The following NRG3 variants were observed in gnomAD, a reference collection of about 807,000 sequenced individuals.
NRG3 encodes the protein pro-neuregulin-3, membrane-bound isoform.
NRG3 carries 31 observed loss-of-function variants against 66.9 expected under a neutral mutation model. The observed-to-expected ratio is 0.46, with a 90% CI of 0.35 to 0.63. NRG3 has a LOEUF of 0.63. Ranked by LOEUF, NRG3 falls within the 20% of genes least tolerant of loss-of-function variation. NRG3 has a pLI of 0.00. For synonymous variants in NRG3, 393 were observed against 359.4 expected (o/e 1.09, Z -1.06); for missense variants, 910 against 878.9 (o/e 1.04, Z -0.45).
intron 3 of NRG3, among the ~76,000 whole-genome samples, chr10:82,761,189 C>T (rs2059291202): frequency 1.3e-5 from 2 of 151,834 alleles, no homozygotes; most frequent in South Asian, 4.1e-4. Flanking sequence ...TAAAACATAT[C>T]GAAACCAAAG....
chr10:82,239,502 T>C (rs1277611037), intron 1 of NRG3, among the ~76,000 whole-genome samples: 4 of 151,908 alleles, frequency 2.6e-5, no homozygotes, highest in African/African-American at 9.7e-5. Flanking sequence ...TTTACAACCA[T>C]TTTTTTTGCC....
chr10:82,628,403 A>G (rs2049572777), intron 2 of NRG3, among the ~76,000 whole-genome samples: 1 of 152,112 alleles, frequency 6.6e-6, no homozygotes. Flanking sequence ...GCAGCCGTGG[A>G]GTATAAACAG....
chr10:82,742,711 T>C (rs1403091705), intron 3 of NRG3, among the ~76,000 whole-genome samples: 1 of 152,092 alleles, frequency 6.6e-6, no homozygotes, highest in Non-Finnish European at 1.5e-5. Flanking sequence ...GCCTCCTGCC[T>C]CCTATGCTGC....
chr10:82,758,740 G>A (rs2059179319), intron 3 of NRG3, among the ~76,000 whole-genome samples: 1 of 151,966 alleles, frequency 6.6e-6, no homozygotes, highest in Non-Finnish European at 1.5e-5. Flanking sequence ...TCAAATGAAT[G>A]GAACAGTAGA....
chr10:81,998,511 C>T (rs1204048164), intron 1 of NRG3, among the ~76,000 whole-genome samples: 1 of 152,098 alleles, frequency 6.6e-6, no homozygotes, highest in African/African-American at 2.4e-5. Flanking sequence ...TGGAGTCAGA[C>T]AAACTGGGCC....
chr10:82,136,584 A>T (rs891515593), intron 1 of NRG3, among the ~76,000 whole-genome samples: 1 of 152,104 alleles, frequency 6.6e-6, no homozygotes, highest in Admixed American at 6.6e-5. Context: ...CTCAAGTAGG[A>T]GTCTCTCCCT....
intron 1 of NRG3, among the ~76,000 whole-genome samples, chr10:82,346,906 G>T (rs1489018011): frequency 6.6e-6 from 1 of 151,892 alleles, no homozygotes; most frequent in South Asian, 2.1e-4. Flanking sequence ...GGGATCGGTG[G>T]TGATATCCCC....
chr10:82,898,126 T>C (rs1591871295), intron 4 of NRG3, among the ~76,000 whole-genome samples: 1 of 152,144 alleles, frequency 6.6e-6, no homozygotes, highest in Admixed American at 6.5e-5. Context: ...CAATGAGAGA[T>C]AGCAGTTGAT....
chr10:82,793,435 T>C (rs2060670542), intron 3 of NRG3, among the ~76,000 whole-genome samples: 1 of 152,194 alleles, frequency 6.6e-6, no homozygotes, highest in South Asian at 2.1e-4. Flanking sequence ...TATTGTCTCA[T>C]TTTAAGTCTC....
chr10:82,519,221 G>A (rs1845971763), intron 2 of NRG3, among the ~76,000 whole-genome samples: 1 of 152,148 alleles, frequency 6.6e-6, no homozygotes, highest in Non-Finnish European at 1.5e-5. Flanking sequence ...TGTTCAGAGA[G>A]TTCTTAGGAG....
At chr10:82,474,717 A>T (rs1443063060) in intron 2 of NRG3, among the ~76,000 whole-genome samples, 2 of 152,176 alleles carry the variant, frequency 1.3e-5, no homozygotes, top group Admixed American at 6.6e-5. Flanking sequence ...AGAAATAATG[A>T]CTGAAAACAT....
chr10:82,193,587 G>T (rs1163815867), intron 1 of NRG3, among the ~76,000 whole-genome samples: 1 of 152,212 alleles, frequency 6.6e-6, no homozygotes, highest in East Asian at 1.9e-4. Flanking sequence ...GATAGTTCTG[G>T]TGGAGATGAA....
chr10:82,667,936 G>A (rs916347088), intron 2 of NRG3, among the ~76,000 whole-genome samples: 1 of 152,150 alleles, frequency 6.6e-6, no homozygotes, highest in African/African-American at 2.4e-5. Flanking sequence ...AATTTTTGTA[G>A]AAATTTGCTA....
At chr10:82,584,039 G>A (rs1590765341) in intron 2 of NRG3, among the ~76,000 whole-genome samples, 1 of 152,038 alleles carries the variant, frequency 6.6e-6, no homozygotes, top group Admixed American at 6.6e-5. Flanking sequence ...CATTTAAAGA[G>A]CCTCACAAAT....
At chr10:82,770,458 G>A (rs970012576) in intron 3 of NRG3, among the ~76,000 whole-genome samples, 1 of 151,994 alleles carries the variant, frequency 6.6e-6, no homozygotes, top group African/African-American at 2.4e-5. Flanking sequence ...CTAATACGAC[G>A]ATTTTCTAAA....
chr10:82,966,213 G>GTT (rs1478806559), intron 6 of NRG3, among the ~76,000 whole-genome samples: 1 of 152,100 alleles, frequency 6.6e-6, no homozygotes, highest in African/African-American at 2.4e-5. Context: ...TTTTTTGAGT[G>GTT]TTCACCTGAT....
At chr10:82,767,335 C>T (rs2059554395) in intron 3 of NRG3, among the ~76,000 whole-genome samples, 1 of 152,030 alleles carries the variant, frequency 6.6e-6, no homozygotes, top group Non-Finnish European at 1.5e-5. Context: ...TCTTGCTTTC[C>T]TGTTTTTAAT....
At chr10:81,894,080 C>T (rs754862488) in intron 1 of NRG3, among the ~76,000 whole-genome samples, 2 of 152,132 alleles carry the variant, frequency 1.3e-5, no homozygotes, top group Non-Finnish European at 2.9e-5. Flanking sequence ...GTGGCTCAGG[C>T]CTGTAATCCC....
chr10:82,729,911 T>A (rs888037931), intron 2 of NRG3, among the ~76,000 whole-genome samples: 1 of 152,108 alleles, frequency 6.6e-6, no homozygotes, highest in Admixed American at 6.5e-5. Flanking sequence ...CTTTTTCTTT[T>A]CCTTTTTTGT....
Sources: allele counts gnomAD v4.1 joint callset (sites outside exome capture counted in the v4.1 genomes callset), GRCh38; gene constraint gnomAD v4.1.1; transcripts MANE v1.5; gene names NCBI Gene and HGNC (gene_info 2026-07-23, HGNC 2026-07-21).